OLA1: variants seen among roughly 807,000 people sequenced by gnomAD.
The protein encoded by OLA1 is obg-like ATPase 1.
OLA1 carries 14 observed loss-of-function variants against 48.4 expected under a neutral mutation model. The observed-to-expected ratio is 0.29, with a 90% CI of 0.19 to 0.45. OLA1 has a LOEUF of 0.45. OLA1 is among the 20% of genes least tolerant of loss of function. OLA1 has a pLI of 1.00. For synonymous variants in OLA1, 127 were observed against 150.4 expected (o/e 0.84, Z 1.14); for missense variants, 325 against 467.1 (o/e 0.70, Z 2.80).
chr2:174,177,114 G>A (rs1266194203), intron 4 of OLA1, among the ~76,000 whole-genome samples: 1 of 152,044 alleles, frequency 6.6e-6, no homozygotes, highest in African/African-American at 2.4e-5. Flanking sequence ...CCTTTCAAAG[G>A]TGAATCATTT....
At chr2:174,112,095 A>T (rs1288670790) in intron 7 of OLA1, among the ~76,000 whole-genome samples, 1 of 152,208 alleles carries the variant, frequency 6.6e-6, no homozygotes, top group Non-Finnish European at 1.5e-5. Flanking sequence ...TCTAACAACA[A>T]AACCTTACCT....
At chr2:174,231,977 C>T (rs113733233) in intron 2 of OLA1, among the ~76,000 whole-genome samples, 15 of 152,126 alleles carry the variant, frequency 9.9e-5, no homozygotes, top group Non-Finnish European at 2.1e-4. Context: ...CACACACACA[C>T]GCACCCCTAG....
At chr2:174,113,640 T>C (rs1477369415) in intron 7 of OLA1, among the ~76,000 whole-genome samples, 1 of 152,216 alleles carries the variant, frequency 6.6e-6, no homozygotes, top group Non-Finnish European at 1.5e-5. Flanking sequence ...ACTAAAATCC[T>C]AATTTAGTTT....
chr2:174,188,433 C>T (rs1687704056), intron 4 of OLA1, among the ~76,000 whole-genome samples: 1 of 151,932 alleles, frequency 6.6e-6, no homozygotes, highest in African/African-American at 2.4e-5. Context: ...CAAAATACAG[C>T]ATCATAGATG....
At chr2:174,150,182 C>T (rs758115913) in intron 4 of OLA1, among the ~76,000 whole-genome samples, 1 of 152,212 alleles carries the variant, frequency 6.6e-6, no homozygotes, top group South Asian at 2.1e-4. Flanking sequence ...TCTGCCCCCA[C>T]AATGGATTAA....
At chr2:174,242,909 A>T (rs1042910679) in intron 2 of OLA1, among the ~76,000 whole-genome samples, 5 of 152,232 alleles carry the variant, frequency 3.3e-5, no homozygotes, top group African/African-American at 1.2e-4. Context: ...TTTCTACTTC[A>T]TTAAAAGAGG....
intron 4 of OLA1, among the ~76,000 whole-genome samples, chr2:174,207,868 G>A (rs1688151570): frequency 6.6e-6 from 1 of 152,120 alleles, no homozygotes; most frequent in Non-Finnish European, 1.5e-5. Flanking sequence ...AACAACACAG[G>A]TTTGAACTGC....
At chr2:174,188,964 A>G (rs74426225) in intron 4 of OLA1, among the ~76,000 whole-genome samples, 20,073 of 152,160 alleles carry the variant, frequency 0.13, 1,776 homozygotes, top group Non-Finnish European at 0.2. Context: ...TTATATTACT[A>G]TATCTTAATT....
At chr2:174,155,760 C>T (rs917125287) in intron 4 of OLA1, among the ~76,000 whole-genome samples, 25 of 151,778 alleles carry the variant, frequency 1.6e-4, no homozygotes, top group African/African-American at 6.1e-4. Flanking sequence ...AAAGACAGAC[C>T]GAGAGAGCAG....
intron 4 of OLA1, among the ~76,000 whole-genome samples, chr2:174,219,865 C>T (rs1192622704): frequency 3.3e-5 from 5 of 152,204 alleles, no homozygotes; most frequent in African/African-American, 7.2e-5. Flanking sequence ...GGCACAGTGG[C>T]TCACACCTGT....
At chr2:174,093,181 G>A (rs1021799921) in intron 7 of OLA1, among the ~76,000 whole-genome samples, 7 of 152,214 alleles carry the variant, frequency 4.6e-5, no homozygotes, top group Non-Finnish European at 8.8e-5. Flanking sequence ...GGGTGCAATG[G>A]CTCACGCCTG....
chr2:174,140,505 T>C (rs1209952222), intron 5 of OLA1, among the ~76,000 whole-genome samples: 1 of 151,972 alleles, frequency 6.6e-6, no homozygotes, highest in Non-Finnish European at 1.5e-5. Flanking sequence ...GTAGGTGAGA[T>C]TACAGGCGTG....
chr2:174,234,215 C>T (rs1216836754), intron 2 of OLA1, among the ~76,000 whole-genome samples: 5 of 152,102 alleles, frequency 3.3e-5, no homozygotes, highest in Non-Finnish European at 5.9e-5. Context: ...GTTTTCTCTT[C>T]CTTATGATTT....
At chr2:174,082,122 T>C in intron 7 of OLA1, 58 bp from the exon 8 acceptor site, 1 of 1,557,148 alleles carries the variant, frequency 6.4e-7, no homozygotes, top group Non-Finnish European at 8.8e-7. Flanking sequence ...TGTACCACAT[T>C]CATTATTATC....
intron 2 of OLA1, among the ~76,000 whole-genome samples, chr2:174,236,641 TAC>T (rs1688857137): frequency 1.3e-5 from 2 of 152,104 alleles, no homozygotes; most frequent in Admixed American, 6.5e-5. Context: ...GTGCGAACAT[TAC>T]AGAGTATATT....
intron 4 of OLA1, among the ~76,000 whole-genome samples, chr2:174,153,137 G>A (rs1049311284): frequency 6.6e-6 from 1 of 152,086 alleles, no homozygotes; most frequent in African/African-American, 2.4e-5. Context: ...TAAAATTAAA[G>A]AAATTATAAA....
intron 4 of OLA1, among the ~76,000 whole-genome samples, chr2:174,160,189 T>C (rs1203881885): frequency 6.6e-6 from 1 of 152,148 alleles, no homozygotes; most frequent in Non-Finnish European, 1.5e-5. Flanking sequence ...GAATTTTTTA[T>C]ACATATGCAC....
At chr2:174,215,169 G>C (rs1209432682) in intron 4 of OLA1, among the ~76,000 whole-genome samples, 1 of 151,984 alleles carries the variant, frequency 6.6e-6, no homozygotes, top group Non-Finnish European at 1.5e-5. Context: ...ATCCATAAAA[G>C]AATGTGAGTA....
intron 4 of OLA1, among the ~76,000 whole-genome samples, chr2:174,205,406 C>A (rs1559004298): frequency 6.6e-6 from 1 of 152,098 alleles, no homozygotes; most frequent in Non-Finnish European, 1.5e-5. Context: ...AGATAAAGAA[C>A]ACTATTCCCA....
Sources: gnomAD v4.1 joint callset for allele counts (sites outside exome capture counted in the v4.1 genomes callset) on GRCh38, gnomAD v4.1.1 for gene constraint, MANE v1.5 for transcripts, NCBI Gene and HGNC (gene_info 2026-07-23, HGNC 2026-07-21) for gene names.